Variants in EPM2A observed in about 807,000 individuals in gnomAD.
EPM2A encodes the protein laforin.
A neutral mutation model predicts 26.5 loss-of-function variants in EPM2A; 21 were observed. The observed-to-expected ratio is 0.79, with a 90% CI of 0.56 to 1.14. The LOEUF (loss-of-function observed/expected upper bound fraction) is 1.14. Among genes scored for constraint, EPM2A ranks in the 50% most tolerant of loss-of-function variants. EPM2A has a pLI of 0.00. For synonymous variants in EPM2A, 217 were observed against 177.6 expected, an observed-to-expected ratio of 1.22 and a Z score of -1.76; for missense variants, 458 against 440.8, an observed-to-expected ratio of 1.04 and a Z score of -0.35.
At chr6:145,735,551 G>A (rs1311302513), upstream of EPM2A, 3 of 1,133,160 alleles carry the variant, frequency 2.6e-6, no homozygotes, top group East Asian at 4.4e-5. Context: ...CGGCCGGCAG[G>A]CGCGGCCCGA....
intron 2 of EPM2A, among the ~76,000 whole-genome samples, chr6:145,568,777 A>G (rs935384026): frequency 3.9e-5 from 6 of 152,196 alleles, no homozygotes; most frequent in African/African-American, 9.7e-5. Flanking sequence ...CCCACTCATA[A>G]TAGTACCTGT....
intron 4 of EPM2A, among the ~76,000 whole-genome samples, chr6:145,488,904 C>T (rs1467701231): frequency 6.6e-6 from 1 of 152,006 alleles, no homozygotes; most frequent in Non-Finnish European, 1.5e-5. Flanking sequence ...CGAACTTAAG[C>T]GAAAAATAAC....
chr6:145,627,374 C>G lies in EPM2A; in HGVS notation c.*42G>C, dbSNP rs1294118924. 1.2e-6 allele frequency: 2 copies of G among 1,612,448 alleles called. No homozygotes were observed. The highest frequency in any genetic ancestry group is 3.3e-5 in the Admixed American group (2 of 60,028). On this transcript the variant is annotated 3_prime_UTR_variant, in exon 4 of 4. Coordinates refer to ENST00000367519, the MANE Select transcript of EPM2A (RefSeq NM_005670.4). ...GTCATTTGACCAACATCATCCCAGG[C>G]TCCTTAGGGAAATCAGGAGGGGGCA...
At chr6:145,388,972 A>G (rs1778301053) in intron 4 of EPM2A, among the ~76,000 whole-genome samples, 1 of 152,042 alleles carries the variant, frequency 6.6e-6, no homozygotes, top group African/African-American at 2.4e-5. Flanking sequence ...TGCAATAAAC[A>G]TATGTGTGCA....
intron 4 of EPM2A, among the ~76,000 whole-genome samples, chr6:145,401,439 A>T (rs968967698): frequency 6.6e-6 from 1 of 152,020 alleles, no homozygotes; most frequent in East Asian, 1.9e-4. Flanking sequence ...ATTTCCAATT[A>T]CTCTTCTTGT....
At chr6:145,410,048 T>A (rs749525091) in intron 4 of EPM2A, among the ~76,000 whole-genome samples, 19 of 152,260 alleles carry the variant, frequency 1.2e-4, no homozygotes, top group Non-Finnish European at 2.6e-4. Context: ...TGATTCAATA[T>A]GGGAGAAGGG....
intron 4 of EPM2A, among the ~76,000 whole-genome samples, chr6:145,419,426 A>T (rs1778753711): frequency 6.6e-6 from 1 of 152,192 alleles, no homozygotes. Flanking sequence ...GCACAGGCAG[A>T]TGGAAACCTA....
In EPM2A at chr6:145,678,395, C is replaced by T. The variant is rs189707621; in HGVS notation, c.476+7727G>A. Among the ~76,000 whole-genome samples the T allele has an allele frequency of 1.6e-3, 242 of 152,238 alleles. 1 individual carries two copies. The highest frequency in any genetic ancestry group is 5.6e-3 in the African/African-American group (231 of 41,544). On this transcript the variant is annotated intron_variant, in intron 2 of 3. Transcript: ENST00000367519. ...CAATGGCAACAAAAGCCAAAATTGA[C>T]AAATGGGATCTAATTAAACTAAAGA...
intron 2 of EPM2A, among the ~76,000 whole-genome samples, chr6:145,644,116 C>CA (rs1459458179): frequency 7.9e-5 from 12 of 152,090 alleles, no homozygotes; most frequent in African/African-American, 2.9e-4. Context: ...TGCAATGGTG[C>CA]AGTACAGTTC....
chr6:145,508,529 A>G (rs1024823154), intron 2 of EPM2A, among the ~76,000 whole-genome samples: 6 of 152,130 alleles, frequency 3.9e-5, no homozygotes, highest in African/African-American at 1.4e-4. Flanking sequence ...TCAATGATAC[A>G]CAATAAACAA....
At chr6:145,565,231 C>CT (rs11383985) in intron 2 of EPM2A, among the ~76,000 whole-genome samples, 53,381 of 151,902 alleles carry the variant, frequency 0.35, 9,976 homozygotes, top group South Asian at 0.51. Flanking sequence ...TGGTTTTTGA[C>CT]CTTACCTGCT....
At chr6:145,418,629 T>G (rs1778739972) in intron 4 of EPM2A, among the ~76,000 whole-genome samples, 1 of 152,212 alleles carries the variant, frequency 6.6e-6, no homozygotes. Flanking sequence ...ACCCTAATCA[T>G]TCTTTGGGAA....
intron 2 of EPM2A, among the ~76,000 whole-genome samples, chr6:145,563,960 A>C (rs1485247715): frequency 1.3e-5 from 2 of 152,188 alleles, no homozygotes; most frequent in African/African-American, 4.8e-5. Context: ...AGATCTGTGG[A>C]TTCTCAAGTC....
intron 4 of EPM2A, among the ~76,000 whole-genome samples, chr6:145,398,391 T>G (rs1412447480): frequency 6.6e-6 from 1 of 152,192 alleles, no homozygotes; most frequent in Non-Finnish European, 1.5e-5. Flanking sequence ...GTCTCTTTTT[T>G]TTTCTTTTAT....
intron 2 of EPM2A, among the ~76,000 whole-genome samples, chr6:145,576,217 A>T (rs1309739164): frequency 6.6e-6 from 1 of 152,220 alleles, no homozygotes; most frequent in East Asian, 1.9e-4. Context: ...TTACAATTCT[A>T]GAATTCTCAG....
At chr6:145,583,506 C>T (rs1355662732) in intron 2 of EPM2A, among the ~76,000 whole-genome samples, 2 of 152,180 alleles carry the variant, frequency 1.3e-5, no homozygotes, top group African/African-American at 4.8e-5. Flanking sequence ...TCTCTGCCCC[C>T]TCGAGGTTAG....
rs1408478212 is a variant in EPM2A at position 145,666,299 on chromosome 6, A to T, written c.476+19823T>A. Among the ~76,000 whole-genome samples the T allele has an allele frequency of 1.2e-3, 119 of 98,874 alleles. 3 individuals carry two copies. Among genetic ancestry groups the T allele is most frequent in the African/African-American group, 6.2e-3 (112 of 18,138 alleles). 64.9% of individuals were successfully genotyped at this position (98,874 alleles called of 152,430 possible). On this transcript the variant is annotated intron_variant, in intron 2 of 3. Transcript: ENST00000367519. Reference sequence around the variant, plus strand: ...AGCCCAAAATCTCCTTAAGCTGATAAGCAACTTCAGCAAAGTCTCAGGATA... The same window carrying T: ...AGCCCAAAATCTCCTTAAGCTGATATGCAACTTCAGCAAAGTCTCAGGATA...
intron 2 of EPM2A, among the ~76,000 whole-genome samples, chr6:145,534,845 A>G (rs1252892953): frequency 6.6e-6 from 1 of 152,204 alleles, no homozygotes; most frequent in East Asian, 1.9e-4. Flanking sequence ...AAAAGGCACA[A>G]TAAGTTCAGT....
intron 2 of EPM2A, among the ~76,000 whole-genome samples, chr6:145,569,908 T>C (rs1312714783): frequency 6.6e-6 from 1 of 152,014 alleles, no homozygotes; most frequent in Non-Finnish European, 1.5e-5. Context: ...GATCACAAGG[T>C]CCCACAATAG....
Sources: allele counts gnomAD v4.1 joint callset (sites outside exome capture counted in the v4.1 genomes callset), GRCh38; gene constraint gnomAD v4.1.1; transcripts MANE v1.5; gene names NCBI Gene and HGNC (gene_info 2026-07-23, HGNC 2026-07-21).